Variants in ARSB observed in about 807,000 individuals in gnomAD.
ARSB encodes N-acetylgalactosamine-4-sulfatase.
In ARSB, 41 loss-of-function variants were observed where a neutral mutation model predicts 50.9. The ratio of observed to expected loss-of-function variants is 0.81; its 90% CI spans 0.63 to 1.04. The LOEUF is 1.04. ARSB is among the 50% of genes least tolerant of loss of function. ARSB has a pLI of 0.00. For synonymous variants in ARSB, 269 were observed against 284.8 expected (o/e 0.94, Z 0.56); for missense variants, 672 against 693.3 (o/e 0.97, Z 0.35).
rs1242150556 is a variant in ARSB at position 78,813,978 on chromosome 5, C to T, written c.1213+25378G>A. 2.0e-5 allele frequency among the ~76,000 whole-genome samples: 3 copies of T among 151,558 alleles called. 1 individual carries two copies. The highest frequency in any genetic ancestry group is 7.3e-5 in the African/African-American group (3 of 41,110). On this transcript the variant is annotated intron_variant, in intron 6 of 7. Transcript: ENST00000264914. ...AGAACTATAAAACACAAGTACCAAACAGTCTCCAATAAAAACACTTAGATA... is the reference window on the plus strand; with the variant it reads ...AGAACTATAAAACACAAGTACCAAATAGTCTCCAATAAAAACACTTAGATA...
intron 3 of ARSB, among the ~76,000 whole-genome samples, chr5:78,957,889 G>A (rs1012308187): frequency 2.1e-5 from 3 of 144,638 alleles, no homozygotes; most frequent in African/African-American, 7.4e-5. Flanking sequence ...GCCAACTCCA[G>A]CCACCAGCCA....
intron 2 of ARSB, among the ~76,000 whole-genome samples, chr5:78,966,415 C>T (rs1752208535): frequency 6.6e-6 from 1 of 152,176 alleles, no homozygotes. Context: ...GCTTTATGTA[C>T]CAGCTGCATT....
rs572975083 is a variant in ARSB at position 78,885,512 on chromosome 5, A to T, written c.1142+72T>A. On this transcript the variant is annotated intron_variant, in intron 5 of 7. Transcript: ENST00000264914. ...CTATCATTTTAACACAAAAGCTATC[A>T]TTCTTGCTCAATGGAGTCAGGCTGC... 6 of 1,576,076 alleles carry T rather than the reference A, an allele frequency of 3.8e-6. No homozygotes were observed. In the East Asian group the frequency reaches 1.3e-4, roughly 35 times the overall value.
intron 4 of ARSB, among the ~76,000 whole-genome samples, chr5:78,926,137 C>T (rs542404664): frequency 6.6e-6 from 1 of 152,202 alleles, no homozygotes; most frequent in African/African-American, 2.4e-5. Context: ...CAGGATCCCA[C>T]AATCCTATTT....
At chr5:78,798,386 TAA>T (rs34346174) in intron 6 of ARSB, among the ~76,000 whole-genome samples, 149 of 120,530 alleles carry the variant, frequency 1.2e-3, no homozygotes, top group African/African-American at 1.1e-3. Context: ...GCATTGTGTG[TAA>T]AAAAAAAAAA....
chr5:78,911,413 A>C (rs1008960056), intron 4 of ARSB, among the ~76,000 whole-genome samples: 1 of 151,660 alleles, frequency 6.6e-6, no homozygotes, highest in South Asian at 2.1e-4. Flanking sequence ...GTCTCTACTA[A>C]AAATACAAAA....
chr5:78,934,903 ATAAT>A (rs1490068404), intron 4 of ARSB, among the ~76,000 whole-genome samples: 1 of 152,126 alleles, frequency 6.6e-6, no homozygotes, highest in Admixed American at 6.5e-5. Flanking sequence ...TTAAAATTAA[ATAAT>A]AATACATGGC....
At chr5:78,836,646 C>T (rs1487414007) in intron 6 of ARSB, among the ~76,000 whole-genome samples, 2 of 152,158 alleles carry the variant, frequency 1.3e-5, no homozygotes, top group Non-Finnish European at 2.9e-5. Flanking sequence ...AAACCTTTTG[C>T]CTGTGCTGTT....
intron 4 of ARSB, among the ~76,000 whole-genome samples, chr5:78,887,954 A>G (rs17819944): frequency 0.14 from 20,705 of 152,246 alleles, 1,690 homozygotes; most frequent in Middle Eastern, 0.21. Context: ...GAGAAGGCTT[A>G]GCTGCTGTTG....
chr5:78,889,067 C>T (rs990294687), intron 4 of ARSB, among the ~76,000 whole-genome samples: 3 of 152,192 alleles, frequency 2.0e-5, no homozygotes. Context: ...ATGGTTGCCA[C>T]TTATCAGCAA....
At chr5:78,849,634 C>G (rs910270060) in intron 5 of ARSB, among the ~76,000 whole-genome samples, 3 of 151,394 alleles carry the variant, frequency 2.0e-5, no homozygotes, top group Admixed American at 6.6e-5. Flanking sequence ...GGCATTGAAT[C>G]TATAAATTAC....
At position 78,781,884 on chromosome 5, in the gene ARSB, T is replaced by C. The variant is rs777651865; in HGVS notation, c.1304A>G (p.His435Arg). 3 of 1,614,144 alleles carry C rather than the reference T, an allele frequency of 1.9e-6. No homozygotes were observed. Among genetic ancestry groups the C allele is most frequent in the Non-Finnish European group, 2.5e-6 (3 of 1,179,976 alleles). Residue 435 changes from histidine to arginine, a missense_variant, in exon 7 of 8, where the codon CAT becomes CGT. Transcript: ENST00000264914. The part of the protein sequence containing the change: ...FNTSVHAAIR[H>R]GNWKLLTGYP... ...GCCCGTGAGGAGTTTCCAATTTCCATGTCTAATTGCAGCATGGACAGATGT... is the reference window on the plus strand; with the variant it reads ...GCCCGTGAGGAGTTTCCAATTTCCACGTCTAATTGCAGCATGGACAGATGT...
intron 4 of ARSB, among the ~76,000 whole-genome samples, chr5:78,887,123 G>A (rs928296402): frequency 2.6e-5 from 4 of 152,182 alleles, no homozygotes; most frequent in Non-Finnish European, 5.9e-5. Flanking sequence ...TGCTATAACA[G>A]AATACTGAGA....
At chr5:78,854,816 C>G (rs1054347076) in intron 5 of ARSB, among the ~76,000 whole-genome samples, 11 of 152,308 alleles carry the variant, frequency 7.2e-5, no homozygotes, top group South Asian at 2.1e-4. Context: ...CTTTCTTTCT[C>G]TCTCATTTCT....
intron 3 of ARSB, among the ~76,000 whole-genome samples, chr5:78,959,986 C>T (rs374789943): frequency 6.6e-6 from 1 of 152,168 alleles, no homozygotes; most frequent in East Asian, 1.9e-4. Flanking sequence ...CAGCCTAAAG[C>T]CAGCAGCTGC....
At chr5:78,804,261 A>C (rs1291030074) in intron 6 of ARSB, among the ~76,000 whole-genome samples, 2 of 152,180 alleles carry the variant, frequency 1.3e-5, no homozygotes, top group Non-Finnish European at 2.9e-5. Flanking sequence ...GGAAAAAAAA[A>C]AGTGTTTCAC....
chr5:78,945,912 G>A (rs1751207589), intron 4 of ARSB, among the ~76,000 whole-genome samples: 1 of 152,156 alleles, frequency 6.6e-6, no homozygotes, highest in Non-Finnish European at 1.5e-5. Flanking sequence ...GGCTCTGAGA[G>A]GTGGCTCTTA....
chr5:78,842,026 G>C (rs1233416211), intron 5 of ARSB, among the ~76,000 whole-genome samples: 1 of 152,174 alleles, frequency 6.6e-6, no homozygotes, highest in Non-Finnish European at 1.5e-5. Context: ...GGGGGAGGTA[G>C]AGAGGGATTG....
In ARSB at chr5:78,778,523, T is replaced by G. The variant is rs145682593; in HGVS notation, c.*1874A>C. On this transcript the variant is annotated 3_prime_UTR_variant, in exon 8 of 8. Transcript: ENST00000264914. ...GGCACAGTTCCTTTTCTCCCCCCAC[T>G]GGAGAGGACGCTACAACCTTGCTAT... 6.6e-6 allele frequency: 1 copy of G among 152,252 alleles called. No homozygotes were observed. Among genetic ancestry groups the G allele is most frequent in the Non-Finnish European group, 1.5e-5 (1 of 68,020 alleles). The allele number at this position is 152,252 out of a possible 1,614,324, so 9.4% of individuals were successfully genotyped here.
Sources: gnomAD v4.1 joint callset for allele counts (sites outside exome capture counted in the v4.1 genomes callset) on GRCh38, gnomAD v4.1.1 for gene constraint, MANE v1.5 for transcripts, NCBI Gene and HGNC (gene_info 2026-07-23, HGNC 2026-07-21) for gene names.